The following SORCS3 variants were observed in gnomAD, a reference collection of about 807,000 sequenced individuals.
The protein encoded by SORCS3 is sortilin related VPS10 domain containing receptor 3.
SORCS3 carries 57 observed loss-of-function variants against 146.3 expected under a neutral mutation model. That is an observed-to-expected ratio of 0.39 (90% CI 0.31 to 0.49). The LOEUF (loss-of-function observed/expected upper bound fraction) is 0.49. SORCS3 is among the 20% of genes least tolerant of loss of function. SORCS3 has a pLI of 0.92. For synonymous variants in SORCS3, 653 were observed against 618.5 expected, an observed-to-expected ratio of 1.06 and a Z score of -0.83; for missense variants, 1,341 against 1,575.5, an observed-to-expected ratio of 0.85 and a Z score of 2.52.
chr10:105,080,476 C>A (rs1049689208), intron 5 of SORCS3, among the ~76,000 whole-genome samples: 1 of 152,016 alleles, frequency 6.6e-6, no homozygotes. Context: ...AATATTTTCT[C>A]CCATTCTGTA....
intron 1 of SORCS3, among the ~76,000 whole-genome samples, chr10:104,726,339 C>T: frequency 6.6e-6 from 1 of 152,174 alleles, no homozygotes; most frequent in East Asian, 1.9e-4. Context: ...CCTATGAGGG[C>T]ACTTGTTTGT....
At chr10:104,905,890 A>T (rs919020170) in intron 2 of SORCS3, among the ~76,000 whole-genome samples, 2 of 152,184 alleles carry the variant, frequency 1.3e-5, no homozygotes, top group Non-Finnish European at 2.9e-5. Flanking sequence ...AAAGTGATTA[A>T]TGAAAGCATT....
At chr10:105,057,533 C>T (rs888570515) in intron 5 of SORCS3, among the ~76,000 whole-genome samples, 5 of 152,180 alleles carry the variant, frequency 3.3e-5, no homozygotes, top group African/African-American at 1.2e-4. Context: ...ACCTGGTGAC[C>T]CATTGCTCTA....
intron 1 of SORCS3, among the ~76,000 whole-genome samples, chr10:104,715,119 G>C (rs969591092): frequency 1.3e-5 from 2 of 152,170 alleles, no homozygotes; most frequent in Non-Finnish European, 2.9e-5. Context: ...CAACTTGACT[G>C]GGTTAAGGGA....
intron 4 of SORCS3, among the ~76,000 whole-genome samples, chr10:105,033,975 G>A (rs1165686274): frequency 6.6e-6 from 1 of 152,152 alleles, no homozygotes; most frequent in Non-Finnish European, 1.5e-5. Flanking sequence ...TGTTCATTCA[G>A]CAAATAGTCA....
chr10:104,970,500 C>T (rs1348891103), intron 3 of SORCS3, among the ~76,000 whole-genome samples: 1 of 152,172 alleles, frequency 6.6e-6, no homozygotes, highest in Non-Finnish European at 1.5e-5. Flanking sequence ...GATGCTTCCT[C>T]AGGTTTTCTC....
chr10:105,190,880 G>C (rs1473162261), intron 14 of SORCS3, among the ~76,000 whole-genome samples: 1 of 152,104 alleles, frequency 6.6e-6, no homozygotes, highest in Non-Finnish European at 1.5e-5. Context: ...ACTAATAATT[G>C]TTTAAAATTA....
intron 1 of SORCS3, among the ~76,000 whole-genome samples, 179 bp from the exon 2 acceptor site, chr10:104,842,613 A>C (rs1233660218): frequency 1.3e-5 from 2 of 152,244 alleles, no homozygotes; most frequent in African/African-American, 4.8e-5. Context: ...GGATGCATTA[A>C]ATTAATAACT....
In SORCS3 at chr10:104,744,517, G is replaced by A. The variant is rs138616873; in HGVS notation, c.628-98275G>A. Among the ~76,000 whole-genome samples the A allele has an allele frequency of 5.4e-3, 816 of 152,298 alleles. 5 individuals carry two copies. Among genetic ancestry groups the A allele is most frequent in the Middle Eastern group, 0.01 (3 of 294 alleles). The stretch of plus-strand genomic sequence containing the variant: ...CTCACAACAATCCTATGGAGAACCT[G>A]TTATTATCTCCACTGTTACAATGAA... On this transcript the variant is annotated intron_variant, in intron 1 of 26. Transcript: ENST00000369701.
At chr10:104,687,865 A>C (rs912092484) in intron 1 of SORCS3, among the ~76,000 whole-genome samples, 1 of 152,192 alleles carries the variant, frequency 6.6e-6, no homozygotes, top group Non-Finnish European at 1.5e-5. Flanking sequence ...AATAGTACTG[A>C]AAACATATGG....
chr10:104,714,964 G>A (rs1179755501), intron 1 of SORCS3, among the ~76,000 whole-genome samples: 2 of 152,132 alleles, frequency 1.3e-5, no homozygotes, highest in African/African-American at 4.8e-5. Context: ...TGGGTCATAG[G>A]CTAAATTATA....
chr10:105,038,482 G>C (rs936946347), intron 4 of SORCS3, among the ~76,000 whole-genome samples: 3 of 152,056 alleles, frequency 2.0e-5, no homozygotes, highest in African/African-American at 7.2e-5. Context: ...TTAATTCATG[G>C]CCTTTTAAAA....
intron 4 of SORCS3, among the ~76,000 whole-genome samples, chr10:105,005,729 C>G (rs566102058): frequency 1.3e-5 from 2 of 152,290 alleles, no homozygotes; most frequent in East Asian, 1.9e-4. Context: ...CTCACTCACT[C>G]CCTTCATGAT....
At chr10:105,135,497 A>G (rs894053050) in intron 7 of SORCS3, among the ~76,000 whole-genome samples, 1 of 152,140 alleles carries the variant, frequency 6.6e-6, no homozygotes, top group Non-Finnish European at 1.5e-5. Flanking sequence ...CCTTGGCCAC[A>G]CCCTTGGTGT....
chr10:105,157,070 A>G (rs1320519982), intron 9 of SORCS3, 68 bp from the exon 10 acceptor site: 16 of 1,571,796 alleles, frequency 1.0e-5, no homozygotes, highest in Non-Finnish European at 1.4e-5. Flanking sequence ...CGGCTTCTCT[A>G]AGGGCTTCTC....
chr10:104,684,614 C>T (rs889912383), intron 1 of SORCS3, among the ~76,000 whole-genome samples: 4 of 151,972 alleles, frequency 2.6e-5, no homozygotes, highest in African/African-American at 9.7e-5. Flanking sequence ...ACTGGCCACT[C>T]GTGGGATCTG....
chr10:105,201,067 T>C, intron 15 of SORCS3, 53 bp from the exon 16 acceptor site: 1 of 1,593,306 alleles, frequency 6.3e-7, no homozygotes, highest in Non-Finnish European at 8.5e-7. Context: ...AACTGGTTTA[T>C]TTCACCACCT....
Position 105,252,769 on chromosome 10 carries a change from T to G in SORCS3, c.3106-6T>G. 1 of 1,613,914 alleles carries G rather than the reference T, an allele frequency of 6.2e-7. No homozygotes were observed. Among genetic ancestry groups the G allele is most frequent in the African/African-American group, 1.3e-5 (1 of 75,036 alleles). On this transcript the variant is annotated splice_polypyrimidine_tract_variant and splice_region_variant and intron_variant, in intron 22 of 26. Coordinates refer to ENST00000369701, the MANE Select transcript of SORCS3 (RefSeq NM_014978.3). ...ACAGCCTCTCTTTGTCTGAACATCT[T>G]TGCAGGTAACCAGTGTCCCAGAGGA...
chr10:104,645,706 G>T (rs752230787), intron 1 of SORCS3, among the ~76,000 whole-genome samples: 1 of 152,158 alleles, frequency 6.6e-6, no homozygotes, highest in African/African-American at 2.4e-5. Flanking sequence ...TGCCCTGAGC[G>T]TACTAGTAGG....
Sources: gnomAD v4.1 joint callset for allele counts (sites outside exome capture counted in the v4.1 genomes callset) on GRCh38, gnomAD v4.1.1 for gene constraint, MANE v1.5 for transcripts, NCBI Gene and HGNC (gene_info 2026-07-23, HGNC 2026-07-21) for gene names.